Variants in NUP35 observed in about 807,000 individuals in gnomAD.
The protein encoded by NUP35 is nucleoporin 35.
In NUP35, 25 loss-of-function variants were observed where a neutral mutation model predicts 41.5. The ratio of observed to expected loss-of-function variants is 0.60; its 90% CI spans 0.44 to 0.84. The LOEUF is 0.84. Ranked by LOEUF, NUP35 falls within the 40% of genes least tolerant of loss-of-function variation. The probability of loss-of-function intolerance (pLI) is 0.00; values close to 1 mark genes in which losing one functional copy is unlikely to be tolerated. For synonymous variants in NUP35, 149 were observed against 130.7 expected (o/e 1.14, Z -0.96); for missense variants, 396 against 396.6 (o/e 1.00, Z 0.01).
intron 4 of NUP35, among the ~76,000 whole-genome samples, chr2:183,148,823 T>G (rs752876141): frequency 1.6e-4 from 25 of 152,216 alleles, no homozygotes; most frequent in Non-Finnish European, 2.1e-4. Flanking sequence ...TACGCCCAGC[T>G]AATTTTTTGT....
At chr2:183,140,592 C>A in intron 4 of NUP35, among the ~76,000 whole-genome samples, 1 of 152,054 alleles carries the variant, frequency 6.6e-6, no homozygotes, top group East Asian at 1.9e-4. Flanking sequence ...GAGGCCAAGG[C>A]GGGTAGATCA....
chr2:183,124,302 T>C (rs1244490846), upstream of NUP35: 1 of 1,496,144 alleles, frequency 6.7e-7, no homozygotes, highest in African/African-American at 1.4e-5. Context: ...CTTTGCCCTA[T>C]TCCAAAATGG....
chr2:183,159,671 A>T lies in NUP35; in HGVS notation c.903+19A>T, dbSNP rs1286523937. 1.3e-6 allele frequency: 2 copies of T among 1,593,856 alleles called. No individual in the cohort carries two copies. Among genetic ancestry groups the T allele is most frequent in the East Asian group, 4.5e-5 (2 of 44,660 alleles). The stretch of plus-strand genomic sequence containing the variant: ...TTATCAGGTATTTTAAGGATTGGAT[A>T]AAAAAAGATGTACTTTAATGGCTGA... On this transcript the variant is annotated intron_variant, in intron 8 of 8. Transcript: ENST00000295119.
At chr2:183,136,998 G>A (rs1369125629) in intron 4 of NUP35, among the ~76,000 whole-genome samples, 1 of 152,142 alleles carries the variant, frequency 6.6e-6, no homozygotes. Flanking sequence ...GCTGAGGTGG[G>A]AGGATCACTT....
chr2:183,160,004 C>A, intron 8 of NUP35: 1 of 180,532 alleles, frequency 5.5e-6, no homozygotes, highest in Non-Finnish European at 1.1e-5. Flanking sequence ...TTGATGGTAT[C>A]CAAAGTGCAG....
intron 4 of NUP35, among the ~76,000 whole-genome samples, chr2:183,136,921 C>T (rs1684893456): frequency 6.6e-6 from 1 of 151,964 alleles, no homozygotes; most frequent in Non-Finnish European, 1.5e-5. Flanking sequence ...GAAACCCTGT[C>T]TCTAGTAAAA....
intron 3 of NUP35, 33 bp downstream of exon 3, chr2:183,130,578 C>A (rs1236246515): frequency 6.2e-7 from 1 of 1,602,642 alleles, no homozygotes; most frequent in Non-Finnish European, 8.5e-7. Context: ...CCCCAATGAA[C>A]AACATCATGG....
intron 4 of NUP35, among the ~76,000 whole-genome samples, chr2:183,141,470 T>G (rs1479303050): frequency 6.6e-6 from 1 of 152,216 alleles, no homozygotes; most frequent in Non-Finnish European, 1.5e-5. Flanking sequence ...ATATTTCTCT[T>G]AAAGTAATTG....
intron 1 of NUP35, among the ~76,000 whole-genome samples, chr2:183,125,133 C>G (rs1482142109): frequency 6.6e-6 from 1 of 151,804 alleles, no homozygotes; most frequent in East Asian, 1.9e-4. Flanking sequence ...GGGAAAGTGA[C>G]TCTTAAGTAT....
In NUP35 at chr2:183,157,455, C is replaced by T; in HGVS notation, c.551C>T (p.Ala184Val). Residue 184 changes from alanine to valine, a missense_variant, in exon 6 of 9, where the codon GCA (alanine) becomes GTA (valine). Ala to Val is a moderately conservative substitution (Grantham distance 64). Coordinates refer to ENST00000295119, the MANE Select transcript of NUP35 (RefSeq NM_138285.5). ...ACTCTTTTTTTCAGGTTTCCTCAAGCATCTGCTTCCTACATATTACTACAA... is the reference window on the plus strand; with the variant it reads ...ACTCTTTTTTTCAGGTTTCCTCAAGTATCTGCTTCCTACATATTACTACAA... ...SWVTVFGFPQ[A>V]SASYILLQFA... is the part of the protein sequence containing the mutation. 3.7e-6 allele frequency: 6 copies of T among 1,611,702 alleles called. No homozygotes were observed. Among genetic ancestry groups the T allele is most frequent in the Non-Finnish European group, 5.1e-6 (6 of 1,177,978 alleles).
At chr2:183,148,195 A>T (rs548119206) in intron 4 of NUP35, among the ~76,000 whole-genome samples, 1 of 152,090 alleles carries the variant, frequency 6.6e-6, no homozygotes, top group Non-Finnish European at 1.5e-5. Context: ...CATTTTCTTT[A>T]TTCATTCACC....
chr2:183,155,885 A>AT (rs1559156189), intron 5 of NUP35, among the ~76,000 whole-genome samples: 1 of 151,940 alleles, frequency 6.6e-6, no homozygotes, highest in African/African-American at 2.4e-5. Flanking sequence ...CCAGCTGTTT[A>AT]TTTTTTTACT....
intron 8 of NUP35, 49 bp downstream of exon 8, chr2:183,159,701 A>G (rs900891115): frequency 3.5e-6 from 5 of 1,417,100 alleles, no homozygotes; most frequent in Non-Finnish European, 4.9e-6. Context: ...GGCTGAGTGC[A>G]TAGCATGCTT....
chr2:183,130,349 A>G, intron 2 of NUP35, 69 bp from the exon 3 acceptor site: 1 of 1,462,672 alleles, frequency 6.8e-7, no homozygotes, highest in Non-Finnish European at 9.1e-7. Flanking sequence ...GTATTTCAAA[A>G]ATATAAATTT....
At chr2:183,134,581 C>A (rs1684812260) in intron 4 of NUP35, among the ~76,000 whole-genome samples, 1 of 150,430 alleles carries the variant, frequency 6.6e-6, no homozygotes, top group Non-Finnish European at 1.5e-5. Context: ...ATTGGTAGGG[C>A]TGTGTTCATT....
rs527830735 is a variant in NUP35 at position 183,156,443 on chromosome 2, G to T, written c.540-1001G>T. Reference sequence around the variant, plus strand: ...CAACCTTTCCTTCCCAGGTTCAAGCGATACTTCTGCCTCAGCCGCCTGAGT... The same window carrying T: ...CAACCTTTCCTTCCCAGGTTCAAGCTATACTTCTGCCTCAGCCGCCTGAGT... On this transcript the variant is annotated intron_variant, in intron 5 of 8. Coordinates refer to ENST00000295119, the MANE Select transcript of NUP35 (RefSeq NM_138285.5). Among the ~76,000 whole-genome samples, 7 of 152,272 alleles carry T rather than the reference G, an allele frequency of 4.6e-5. No homozygotes were observed. In the South Asian group the frequency reaches 1.2e-3, roughly 27 times the overall value.
chr2:183,125,103 A>G (rs1475013624), intron 1 of NUP35, among the ~76,000 whole-genome samples: 1 of 151,912 alleles, frequency 6.6e-6, no homozygotes, highest in Non-Finnish European at 1.5e-5. Flanking sequence ...AGTTCGCACG[A>G]TATTTCCCGC....
chr2:183,147,303 A>C (rs1450184170), intron 4 of NUP35, among the ~76,000 whole-genome samples: 1 of 152,138 alleles, frequency 6.6e-6, no homozygotes, highest in Non-Finnish European at 1.5e-5. Flanking sequence ...GAGGTTTTTC[A>C]AGGTTTTCTT....
At chr2:183,148,577 C>G (rs984636851) in intron 4 of NUP35, among the ~76,000 whole-genome samples, 5 of 152,126 alleles carry the variant, frequency 3.3e-5, no homozygotes, top group African/African-American at 1.2e-4. Context: ...TCATATACCT[C>G]TTAGCCATTT....
Sources: gnomAD v4.1 joint callset for allele counts (sites outside exome capture counted in the v4.1 genomes callset) on GRCh38, gnomAD v4.1.1 for gene constraint, MANE v1.5 for transcripts, NCBI Gene and HGNC (gene_info 2026-07-23, HGNC 2026-07-21) for gene names.